Variants in CCSER1 observed in about 807,000 individuals in gnomAD.
CCSER1 encodes the protein coiled-coil serine rich protein 1.
A neutral mutation model predicts 82.0 loss-of-function variants in CCSER1; 41 were observed. That is an observed-to-expected ratio of 0.50 (90% CI 0.39 to 0.65). The LOEUF is 0.65. Ranked by LOEUF, CCSER1 falls within the 30% of genes least tolerant of loss-of-function variation. The pLI is 0.00. For missense variants in CCSER1, 1,119 were observed against 1,064.2 expected (o/e 1.05, Z -0.72); for synonymous variants, 414 against 383.9 (o/e 1.08, Z -0.92).
chr4:91,387,191 AG>A (rs1751350895), intron 10 of CCSER1, among the ~76,000 whole-genome samples: 1 of 152,032 alleles, frequency 6.6e-6, no homozygotes, highest in Admixed American at 6.6e-5. Context: ...TTTATTATTT[AG>A]GGATAAAAAT....
At chr4:90,879,179 CT>C (rs1186297219) in intron 8 of CCSER1, among the ~76,000 whole-genome samples, 2 of 152,114 alleles carry the variant, frequency 1.3e-5, no homozygotes, top group African/African-American at 4.8e-5. Flanking sequence ...TTCTGAGATT[CT>C]TTTATCAGCT....
intron 9 of CCSER1, among the ~76,000 whole-genome samples, chr4:90,990,155 A>G (rs17017894): frequency 2.0e-5 from 3 of 151,842 alleles, no homozygotes; most frequent in African/African-American, 7.3e-5. Flanking sequence ...ACTCTCAACA[A>G]TATAGTTCAA....
chr4:91,393,664 T>TTATA (rs1271446617), intron 10 of CCSER1, among the ~76,000 whole-genome samples: 1 of 152,076 alleles, frequency 6.6e-6, no homozygotes, highest in Non-Finnish European at 1.5e-5. Context: ...CTTAATTGGG[T>TTATA]TATAGCTCAT....
intron 10 of CCSER1, among the ~76,000 whole-genome samples, chr4:91,092,254 A>C (rs553229769): frequency 2.0e-5 from 3 of 152,316 alleles, no homozygotes; most frequent in Admixed American, 6.5e-5. Context: ...TCAGCCACAA[A>C]TGCTGGCCCA....
intron 8 of CCSER1, among the ~76,000 whole-genome samples, chr4:90,847,676 A>G (rs1476194911): frequency 6.6e-6 from 1 of 152,212 alleles, no homozygotes; most frequent in Non-Finnish European, 1.5e-5. Context: ...TTAAAAAACA[A>G]GAGAAAAAAA....
At chr4:90,542,025 A>G (rs919943882) in intron 5 of CCSER1, among the ~76,000 whole-genome samples, 4 of 152,000 alleles carry the variant, frequency 2.6e-5, no homozygotes, top group Non-Finnish European at 5.9e-5. Context: ...TAAAATTGTA[A>G]CATTTATAAA....
At chr4:90,917,174 CA>C (rs1239983620) in intron 8 of CCSER1, among the ~76,000 whole-genome samples, 31 of 152,066 alleles carry the variant, frequency 2.0e-4, no homozygotes, top group Admixed American at 2.0e-3. Context: ...GGTATATACC[CA>C]AAGGATTATA....
intron 5 of CCSER1, among the ~76,000 whole-genome samples, chr4:90,614,045 C>A (rs559533420): frequency 6.6e-6 from 1 of 152,152 alleles, no homozygotes; most frequent in African/African-American, 2.4e-5. Flanking sequence ...GCAAGTCCAT[C>A]GGTGCTAGTT....
At chr4:91,390,611 T>A (rs1408439876) in intron 10 of CCSER1, among the ~76,000 whole-genome samples, 2 of 151,872 alleles carry the variant, frequency 1.3e-5, no homozygotes, top group Non-Finnish European at 2.9e-5. Context: ...ATATATGAAG[T>A]ATTCCTTATA....
At chr4:90,714,675 A>G (rs1741302899) in intron 6 of CCSER1, among the ~76,000 whole-genome samples, 1 of 152,030 alleles carries the variant, frequency 6.6e-6, no homozygotes, top group Admixed American at 6.6e-5. Context: ...AGGTTCAAAT[A>G]AATATATGAA....
intron 1 of CCSER1, among the ~76,000 whole-genome samples, chr4:90,180,141 T>TATATATATATAA (rs1349233034): frequency 7.2e-6 from 1 of 139,310 alleles, no homozygotes. Flanking sequence ...TATATATATA[T>TATATATATATAA]AAATTATATT....
At chr4:90,286,472 C>G (rs1729916936) in intron 1 of CCSER1, among the ~76,000 whole-genome samples, 1 of 151,942 alleles carries the variant, frequency 6.6e-6, no homozygotes, top group Middle Eastern at 3.2e-3. Flanking sequence ...GTTTGTGCCA[C>G]TTACACAGTT....
intron 10 of CCSER1, among the ~76,000 whole-genome samples, chr4:91,586,127 G>A (rs1294635480): frequency 6.6e-6 from 1 of 151,490 alleles, no homozygotes; most frequent in Non-Finnish European, 1.5e-5. Context: ...CAACTTCAGA[G>A]TTTCTTTGTG....
At chr4:91,136,563 G>C (rs1728487557) in intron 10 of CCSER1, among the ~76,000 whole-genome samples, 1 of 152,046 alleles carries the variant, frequency 6.6e-6, no homozygotes, top group Non-Finnish European at 1.5e-5. Context: ...TATATAAAAA[G>C]TAAGCTCCCC....
chr4:91,464,031 C>A (rs1281066826), intron 10 of CCSER1, among the ~76,000 whole-genome samples: 1 of 152,084 alleles, frequency 6.6e-6, no homozygotes, highest in Non-Finnish European at 1.5e-5. Flanking sequence ...TCGAGAAGAG[C>A]AACTCCAAGA....
At chr4:91,140,085 C>T (rs769284676) in intron 10 of CCSER1, among the ~76,000 whole-genome samples, 8 of 151,868 alleles carry the variant, frequency 5.3e-5, no homozygotes, top group Non-Finnish European at 1.2e-4. Flanking sequence ...TGCTTTATTC[C>T]TAATGACTGG....
At chr4:90,375,040 A>G (rs1748086082) in intron 3 of CCSER1, among the ~76,000 whole-genome samples, 1 of 152,180 alleles carries the variant, frequency 6.6e-6, no homozygotes, top group Non-Finnish European at 1.5e-5. Context: ...ATAAACCTAG[A>G]AAGAAGATTG....
intron 5 of CCSER1, among the ~76,000 whole-genome samples, chr4:90,622,953 A>G (rs35169925): frequency 4.0e-5 from 6 of 151,136 alleles, no homozygotes; most frequent in Non-Finnish European, 8.8e-5. Context: ...TTTAATGATC[A>G]CCATTCTAAC....
chr4:90,434,441 G>A (rs1023779606), intron 4 of CCSER1, among the ~76,000 whole-genome samples: 1 of 152,062 alleles, frequency 6.6e-6, no homozygotes, highest in African/African-American at 2.4e-5. Context: ...CAGGCTTATA[G>A]CCTCACATGG....
Sources: allele counts gnomAD v4.1 joint callset (sites outside exome capture counted in the v4.1 genomes callset), GRCh38; gene constraint gnomAD v4.1.1; transcripts MANE v1.5; gene names NCBI Gene and HGNC (gene_info 2026-07-23, HGNC 2026-07-21).